YAF2: variants seen among roughly 807,000 people sequenced by gnomAD.
The protein encoded by YAF2 is YY1-associated factor 2.
A neutral mutation model predicts 20.1 loss-of-function variants in YAF2; 7 were observed. That is an observed-to-expected ratio of 0.35 (90% confidence interval 0.20 to 0.65). YAF2 has a LOEUF of 0.65. YAF2 is among the 30% of genes least tolerant of loss of function. The pLI is 0.69. For synonymous variants in YAF2, 74 were observed against 76.0 expected, an observed-to-expected ratio of 0.97 and a Z score of 0.14; for missense variants, 151 against 219.2, an observed-to-expected ratio of 0.69 and a Z score of 1.96.
At chr12:42,193,659 C>T (rs1187422269) in intron 2 of YAF2, among the ~76,000 whole-genome samples, 2 of 152,004 alleles carry the variant, frequency 1.3e-5, no homozygotes, top group Admixed American at 6.6e-5. Context: ...GATGCATGAA[C>T]ACCCAGCTAA....
At chr12:42,171,638 C>G (rs78689030) in intron 2 of YAF2, among the ~76,000 whole-genome samples, 88 of 152,210 alleles carry the variant, frequency 5.8e-4, no homozygotes, top group Admixed American at 1.0e-3. Flanking sequence ...TATATAACTC[C>G]TGATCATTTT....
At chr12:42,217,754 T>A (rs184664779) in intron 2 of YAF2, among the ~76,000 whole-genome samples, 14 of 152,184 alleles carry the variant, frequency 9.2e-5, no homozygotes, top group African/African-American at 3.4e-4. Context: ...GAAACAAATA[T>A]AAAATATCTT....
At position 42,228,932 on chromosome 12, in the gene YAF2, CG is replaced by C. The variant is rs2067884412; in HGVS notation, c.152+8666del. On this transcript the variant is annotated intron_variant, in intron 2 of 3. Coordinates refer to ENST00000534854, the MANE Select transcript of YAF2 (RefSeq NM_005748.6). ...GGTGTGCCCAACAGCTCATTGAGAA[CG>C]GGCCATGATGACAATGGCGGCTTTG... is the stretch of plus-strand genomic sequence containing the variant. Among the ~76,000 whole-genome samples the C allele has an allele frequency of 1.6e-4, 11 of 68,052 alleles. 2 individuals are homozygous for C. In the South Asian group the frequency reaches 6.5e-3, roughly 40 times the overall value. The allele number at this position is 68,052 out of a possible 152,430, so 44.6% of individuals were successfully genotyped here.
chr12:42,178,380 T>G (rs2066252440), intron 2 of YAF2, among the ~76,000 whole-genome samples: 1 of 152,174 alleles, frequency 6.6e-6, no homozygotes, highest in Admixed American at 6.5e-5. Context: ...GTGCAGTCAA[T>G]GGCCTATAAA....
chr12:42,212,152 A>C (rs2067231574), intron 2 of YAF2, among the ~76,000 whole-genome samples: 1 of 147,742 alleles, frequency 6.8e-6, no homozygotes, highest in African/African-American at 2.7e-5. Context: ...CTTGTACAAA[A>C]GAAATACAGC....
At chr12:42,210,481 T>C (rs2067175633) in intron 2 of YAF2, 1 of 1,535,884 alleles carries the variant, frequency 6.5e-7, no homozygotes, top group Non-Finnish European at 8.7e-7. Flanking sequence ...TACAGACGTA[T>C]ATGTAAGAAA....
At chr12:42,176,522 G>A (rs929684905) in intron 2 of YAF2, among the ~76,000 whole-genome samples, 1 of 151,878 alleles carries the variant, frequency 6.6e-6, no homozygotes, top group Non-Finnish European at 1.5e-5. Context: ...TGCTTAGACC[G>A]AACACTTAGA....
chr12:42,159,201 G>T lies in YAF2; in HGVS notation c.*1388C>A, dbSNP rs544747619. On this transcript the variant is annotated 3_prime_UTR_variant, in exon 4 of 4. Transcript: ENST00000534854. ...ACCACCAAATATCACAACTGTTAGG[G>T]TCTACAGTTTTATTTTTTCTTCAAA... 6 of 152,136 alleles carry T rather than the reference G, an allele frequency of 3.9e-5. No individual in the cohort carries two copies. In the South Asian group the frequency reaches 1.2e-3, roughly 31 times the overall value. 9.4% of individuals were successfully genotyped at this position (152,136 alleles called of 1,614,324 possible). A position where few individuals can be genotyped will look rare whatever the true frequency, so the allele number is the denominator to read the frequency against.
chr12:42,237,567 C>G (rs753635384), intron 2 of YAF2, 32 bp downstream of exon 2: 12 of 1,490,412 alleles, frequency 8.1e-6, no homozygotes, highest in African/African-American at 2.9e-5. Context: ...ACCCCGCCGG[C>G]CGGCGGCGCG....
At chr12:42,222,782 T>C (rs1172330169) in intron 2 of YAF2, among the ~76,000 whole-genome samples, 1 of 152,094 alleles carries the variant, frequency 6.6e-6, no homozygotes, top group Non-Finnish European at 1.5e-5. Context: ...TTCAAAAGCA[T>C]TGTTGAGAAG....
chr12:42,227,880 T>C (rs1356624635), intron 2 of YAF2, among the ~76,000 whole-genome samples: 1 of 129,864 alleles, frequency 7.7e-6, no homozygotes, highest in Admixed American at 7.5e-5. Context: ...AGCCGCCCCG[T>C]CCGGGAGGTG....
In YAF2 at chr12:42,238,177, C is replaced by A; in HGVS notation, c.4G>T (p.Gly2Ter). 1 of 1,543,260 alleles carries A rather than the reference C, an allele frequency of 6.5e-7. No individual in the cohort carries two copies. Residue 2 changes from glycine (G) to a stop codon, truncating the protein, a stop_gained, in exon 1 of 4, where the codon GGA (glycine) becomes TGA (stop). Transcript: ENST00000534854. LOFTEE classifies it high-confidence loss of function. M[G>*]DKKSPTRPKR... is the part of the protein sequence containing the mutation. ...TACCTGGTGGGGCTCTTCTTGTCTC[C>A]CATGGCTTGGCTATCACCGCACGCC...
intron 2 of YAF2, among the ~76,000 whole-genome samples, chr12:42,219,380 T>C (rs1375850068): frequency 6.6e-6 from 1 of 152,204 alleles, no homozygotes; most frequent in Non-Finnish European, 1.5e-5. Flanking sequence ...AAGATGGCCT[T>C]GGATGAGCTG....
At chr12:42,220,863 T>A (rs1215332639) in intron 2 of YAF2, among the ~76,000 whole-genome samples, 1 of 152,098 alleles carries the variant, frequency 6.6e-6, no homozygotes, top group African/African-American at 2.4e-5. Flanking sequence ...ATTATCAAAG[T>A]GATTATATTA....
At chr12:42,235,093 G>C (rs1236811663) in intron 2 of YAF2, 1 of 985,862 alleles carries the variant, frequency 1.0e-6, no homozygotes, top group Non-Finnish European at 1.2e-6. Flanking sequence ...GAATGGCTTA[G>C]ACTTGGCCTA....
At chr12:42,235,172 C>T (rs571385200) in intron 2 of YAF2, 18 of 990,188 alleles carry the variant, frequency 1.8e-5, no homozygotes, top group African/African-American at 5.2e-5. Context: ...CCCATCTGTG[C>T]GTCACACAAA....
chr12:42,190,690 G>T (rs891508411), intron 2 of YAF2, among the ~76,000 whole-genome samples: 2 of 151,766 alleles, frequency 1.3e-5, no homozygotes, highest in Non-Finnish European at 2.9e-5. Flanking sequence ...CATTTTTATT[G>T]TAATTATTTT....
At chr12:42,214,541 G>A (rs541362323) in intron 2 of YAF2, among the ~76,000 whole-genome samples, 6 of 151,830 alleles carry the variant, frequency 4.0e-5, no homozygotes, top group Non-Finnish European at 8.8e-5. Flanking sequence ...CAAAGTGCTG[G>A]GATTACAGGT....
intron 2 of YAF2, among the ~76,000 whole-genome samples, chr12:42,208,000 T>C (rs1220023308): frequency 2.0e-5 from 3 of 152,160 alleles, no homozygotes; most frequent in African/African-American, 7.2e-5. Context: ...CTAGGTAATA[T>C]AAACCATAAA....
Sources: allele counts gnomAD v4.1 joint callset (sites outside exome capture counted in the v4.1 genomes callset), GRCh38; gene constraint gnomAD v4.1.1; transcripts MANE v1.5; gene names NCBI Gene and HGNC (gene_info 2026-07-23, HGNC 2026-07-21).